The following PEMT variants were observed in gnomAD, a reference collection of about 807,000 sequenced individuals.
PEMT encodes phosphatidylethanolamine N-methyltransferase.
In PEMT, 23 loss-of-function variants were observed where a neutral mutation model predicts 27.4. The ratio of observed to expected loss-of-function variants is 0.84; its 90% CI spans 0.60 to 1.19. The LOEUF (loss-of-function observed/expected upper bound fraction) is 1.19, where lower values mean the gene tolerates loss of function less well. PEMT is among the 50% of genes most tolerant of loss of function. PEMT has a pLI of 0.00. For synonymous variants in PEMT, 137 were observed against 139.1 expected (o/e 0.98, Z 0.11); for missense variants, 307 against 310.1 (o/e 0.99, Z 0.07).
intron 2 of PEMT, among the ~76,000 whole-genome samples, chr17:17,542,640 TAATGAC>T (rs911769011): frequency 2.0e-5 from 3 of 152,242 alleles, no homozygotes; most frequent in Non-Finnish European, 4.4e-5. Flanking sequence ...TGCCCTCCAG[TAATGAC>T]AGTGACCACA....
chr17:17,518,619 C>T (rs1358376422), intron 3 of PEMT, among the ~76,000 whole-genome samples: 2 of 152,228 alleles, frequency 1.3e-5, no homozygotes, highest in Non-Finnish European at 2.9e-5. Context: ...GACCCGCTGG[C>T]AGGTCAGCTG....
chr17:17,531,946 G>C (rs1231288355), intron 2 of PEMT, among the ~76,000 whole-genome samples: 2 of 152,288 alleles, frequency 1.3e-5, no homozygotes, highest in East Asian at 3.8e-4. Flanking sequence ...ATCAGCCATA[G>C]ACTGGCAGAA....
rs1472711361 is a variant in PEMT at position 17,523,139 on chromosome 17, G to T, written c.205-744C>A. On this transcript the variant is annotated intron_variant, in intron 2 of 6. Transcript: ENST00000255389. The surrounding 1 kb of genome is among the most constrained non-coding windows in gnomAD (Gnocchi z 4.8). ...GGCCTGGCCCAGCACACTGAGGAAG[G>T]AACGGAGAGGAGGGGAGGGGGCAAG... Among the ~76,000 whole-genome samples the T allele has an allele frequency of 6.6e-6, 1 of 152,156 alleles. No homozygotes were observed. Among genetic ancestry groups the T allele is most frequent in the Non-Finnish European group, 1.5e-5 (1 of 68,034 alleles).
At chr17:17,544,630 G>T (rs951644070) in intron 2 of PEMT, among the ~76,000 whole-genome samples, 7 of 152,156 alleles carry the variant, frequency 4.6e-5, no homozygotes, top group African/African-American at 1.7e-4. Flanking sequence ...CCACAGCCTT[G>T]GTGTCCTCAA....
chr17:17,520,426 A>G (rs1222850802), intron 3 of PEMT, among the ~76,000 whole-genome samples: 2 of 152,182 alleles, frequency 1.3e-5, no homozygotes, highest in Non-Finnish European at 1.5e-5. Context: ...CTGTTCTCCA[A>G]TGCTGGTCAG....
chr17:17,572,373 C>G (rs926752333), intron 2 of PEMT, among the ~76,000 whole-genome samples: 1 of 152,344 alleles, frequency 6.6e-6, no homozygotes, highest in East Asian at 1.9e-4. Flanking sequence ...GCAAGGCCTG[C>G]ACCACCGTCC....
At position 17,561,648 on chromosome 17, in the gene PEMT, CA is replaced by C. The variant is rs1156345247; in HGVS notation, c.204+15271del. ...GTGCCTGGGTCACAGATGAGAATAC[CA>C]AGGCTCGGAGAAGCCAGGAACCTTG... On this transcript the variant is annotated intron_variant, in intron 2 of 6. Transcript: ENST00000255389. This position sits in a 1 kb window ranked among gnomAD's most constrained non-coding sequence, Gnocchi z 4.5. Among the ~76,000 whole-genome samples, 1 of 152,166 alleles carries C rather than the reference CA, an allele frequency of 6.6e-6. No homozygotes were observed. The highest frequency in any genetic ancestry group is 1.5e-5 in the Non-Finnish European group (1 of 68,020).
intron 2 of PEMT, among the ~76,000 whole-genome samples, chr17:17,560,636 T>A (rs1166447467): frequency 6.6e-6 from 1 of 152,134 alleles, no homozygotes; most frequent in Non-Finnish European, 1.5e-5. Flanking sequence ...TGGAGCCACA[T>A]CTGTGCAGAC....
intron 2 of PEMT, among the ~76,000 whole-genome samples, chr17:17,538,530 G>A (rs1162419917): frequency 6.6e-6 from 1 of 151,656 alleles, no homozygotes; most frequent in Non-Finnish European, 1.5e-5. Context: ...ATTCCAGCCT[G>A]GGTGGCAGAA....
Position 17,576,904 on chromosome 17 carries a change from C to A in PEMT, c.204+16G>T. ...TGAGATACTCCCGTCTGGACAGTGT[C>A]AGGCACATCACTTACCACATTCCAG... On this transcript the variant is annotated intron_variant, in intron 2 of 6. Coordinates refer to ENST00000255389, the MANE Select transcript of PEMT (RefSeq NM_148172.3). The A allele has an allele frequency of 6.3e-7, 1 of 1,597,220 alleles. No individual in the cohort carries two copies. Among genetic ancestry groups the A allele is most frequent in the South Asian group, 1.1e-5 (1 of 90,724 alleles).
intron 2 of PEMT, among the ~76,000 whole-genome samples, chr17:17,546,655 C>T (rs543337464): frequency 8.5e-5 from 13 of 152,230 alleles, no homozygotes; most frequent in African/African-American, 1.2e-4. Flanking sequence ...CGCCTGCCTT[C>T]GTCCGACCCT....
chr17:17,571,545 T>C (rs1911193347), intron 2 of PEMT, among the ~76,000 whole-genome samples: 1 of 151,450 alleles, frequency 6.6e-6, no homozygotes, highest in African/African-American at 2.4e-5. Flanking sequence ...AGGGACGGAG[T>C]GGGTGCTGAT....
intron 2 of PEMT, among the ~76,000 whole-genome samples, chr17:17,556,019 C>A (rs1286015122): frequency 2.0e-5 from 3 of 152,242 alleles, no homozygotes; most frequent in Admixed American, 1.3e-4. Context: ...CTGTGCCGGG[C>A]ACCAGGCCTC....
rs1567754279 is a variant in PEMT at position 17,582,112 on chromosome 17, C to T, written c.97-5085G>A. Among the ~76,000 whole-genome samples, 1 of 152,184 alleles carries T rather than the reference C, an allele frequency of 6.6e-6. No individual in the cohort carries two copies. Among genetic ancestry groups the T allele is most frequent in the Non-Finnish European group, 1.5e-5 (1 of 68,034 alleles). On this transcript the variant is annotated intron_variant, in intron 1 of 6. Transcript: ENST00000255389. The surrounding 1 kb of genome is among the most constrained non-coding windows in gnomAD (Gnocchi z 4.9). Reference sequence around the variant, plus strand: ...GATGGCCTCCCCTTCACACCTGTGACCAAAGGGCGGTCTCCCATCCACTCC... The same window carrying T: ...GATGGCCTCCCCTTCACACCTGTGATCAAAGGGCGGTCTCCCATCCACTCC...
intron 2 of PEMT, among the ~76,000 whole-genome samples, chr17:17,571,900 C>T (rs925562151): frequency 1.4e-4 from 22 of 152,136 alleles, no homozygotes; most frequent in African/African-American, 5.3e-4. Context: ...CATTTCACCA[C>T]GTTGCCCGGG....
chr17:17,520,922 G>A (rs563589918), intron 3 of PEMT, among the ~76,000 whole-genome samples: 137 of 152,396 alleles, frequency 9.0e-4, no homozygotes, highest in Non-Finnish European at 1.4e-3. Context: ...GCCTGGCCAC[G>A]GAGGGGGAAG....
chr17:17,580,759 A>G, intron 1 of PEMT, among the ~76,000 whole-genome samples: 1 of 150,322 alleles, frequency 6.7e-6, no homozygotes, highest in Non-Finnish European at 1.5e-5. Context: ...CCTCATTCCC[A>G]TTACCAATCC....
chr17:17,522,004 T>G (rs1907301972), intron 3 of PEMT, among the ~76,000 whole-genome samples: 1 of 152,204 alleles, frequency 6.6e-6, no homozygotes, highest in Non-Finnish European at 1.5e-5. Flanking sequence ...CTTGGCTACG[T>G]GGCAGAGGCT....
intron 3 of PEMT, among the ~76,000 whole-genome samples, chr17:17,514,477 G>A (rs1906651385): frequency 6.6e-6 from 1 of 152,244 alleles, no homozygotes; most frequent in African/African-American, 2.4e-5. Context: ...AAAGCCACCA[G>A]GACCCGGTGG....
Sources: gnomAD v4.1 joint callset for allele counts (sites outside exome capture counted in the v4.1 genomes callset) on GRCh38, gnomAD v4.1.1 for gene constraint, Gnocchi (gnomAD v3.1) non-coding constraint, MANE v1.5 for transcripts, NCBI Gene and HGNC (gene_info 2026-07-23, HGNC 2026-07-21) for gene names.